The following SF1 variants were observed in gnomAD, a reference collection of about 807,000 sequenced individuals.
SF1 encodes the protein branch point-binding protein.
SF1 carries 7 observed loss-of-function variants against 62.5 expected under a neutral mutation model. The ratio of observed to expected loss-of-function variants is 0.11; its 90% CI spans 0.06 to 0.21. The LOEUF is 0.21. Ranked by LOEUF, SF1 falls within the 10% of genes least tolerant of loss-of-function variation. The pLI is 1.00. For missense variants in SF1, 578 were observed against 884.0 expected (o/e 0.65, Z 4.39); for synonymous variants, 394 against 323.6 (o/e 1.22, Z -2.33).
rs911824957 is a variant in SF1, at chr11:64,778,502, C to T, written c.-110G>A. 9 of 1,191,986 alleles carry T rather than the reference C, an allele frequency of 7.6e-6. No individual in the cohort carries two copies. The highest frequency in any genetic ancestry group is 3.5e-5 in the East Asian group (1 of 28,672). 73.8% of individuals were successfully genotyped at this position (1,191,986 alleles called of 1,614,324 possible). A position where few individuals can be genotyped will look rare whatever the true frequency, so the allele number is the denominator to read the frequency against. The stretch of plus-strand genomic sequence containing the variant: ...AATGCGCTGCCGGAGCGCGCGGAGC[C>T]CGTCCTCTCACGCGGCGGGCGGCGG... On this transcript the variant is annotated 5_prime_UTR_variant, in exon 1 of 13. Transcript: ENST00000377390.
Position 64,765,583 on chromosome 11 carries a change from C to G in SF1, c.*235G>C. ...GAGGAGAGAAAGAAGACAAAGAAGACACTCGATGCTACGGGGCGCCAGGAG... is the reference window on the plus strand; with the variant it reads ...GAGGAGAGAAAGAAGACAAAGAAGAGACTCGATGCTACGGGGCGCCAGGAG... On this transcript the variant is annotated 3_prime_UTR_variant, in exon 13 of 13. Coordinates refer to ENST00000377390, the MANE Select transcript of SF1 (RefSeq NM_004630.4). 1 of 1,542,434 alleles carries G rather than the reference C, an allele frequency of 6.5e-7. No homozygotes were observed. The highest frequency in any genetic ancestry group is 8.7e-7 in the Non-Finnish European group (1 of 1,149,668).
In SF1 at chr11:64,765,678, A is replaced by G. The variant is rs1300181526; in HGVS notation, c.*140T>C. The G allele has an allele frequency of 1.2e-5, 18 of 1,471,340 alleles. No homozygotes were observed. Among genetic ancestry groups the G allele is most frequent in the Non-Finnish European group, 1.5e-5 (17 of 1,115,560 alleles). 91.1% of individuals were successfully genotyped at this position (1,471,340 alleles called of 1,614,324 possible). ...AATCCTCAGTCGCTTGGCCCAGCCC[A>G]GTGCGTGCACACACACACATGCGTG... On this transcript the variant is annotated 3_prime_UTR_variant, in exon 13 of 13. Transcript: ENST00000377390.
intron 3 of SF1, chr11:64,771,817 A>G (rs1275001994): frequency 3.0e-6 from 3 of 985,268 alleles, no homozygotes; most frequent in Non-Finnish European, 3.6e-6. Context: ...ACACCTTTTT[A>G]AGAAATTATC....
chr11:64,769,735 C>T (rs1180226124), intron 5 of SF1, 126 bp from the exon 6 acceptor site: 4 of 887,834 alleles, frequency 4.5e-6, no homozygotes, highest in Non-Finnish European at 7.0e-6. Flanking sequence ...CCACCAAGAG[C>T]TCCATGAACT....
intron 3 of SF1, chr11:64,771,918 G>A (rs1938386176): frequency 5.1e-6 from 5 of 985,268 alleles, no homozygotes; most frequent in Non-Finnish European, 4.8e-6. Context: ...CTGAATAGAA[G>A]GGAGGAAAAA....
Position 64,765,306 on chromosome 11 carries a change from A to T in SF1, c.*512T>A, listed in dbSNP as rs1371169798. On this transcript the variant is annotated 3_prime_UTR_variant, in exon 13 of 13. Transcript: ENST00000377390. ...AGTCTGAAGAAAGGAAAAGATAAAG[A>T]AGTAACAAAGGAAAAAGAAAAAAAT... is the stretch of plus-strand genomic sequence containing the variant. The T allele has an allele frequency of 9.3e-6, 6 of 642,164 alleles. No homozygotes were observed. The highest frequency in any genetic ancestry group is 1.7e-5 in the Non-Finnish European group (6 of 354,616). The allele number at this position is 642,164 out of a possible 1,614,324, so 39.8% of individuals were successfully genotyped here.
chr11:64,772,582 A>G lies in SF1; in HGVS notation c.236+848T>C, dbSNP rs573182516. The G allele has an allele frequency of 6.1e-6, 6 of 985,274 alleles. No homozygotes were observed. In the Admixed American group the frequency reaches 3.7e-4, roughly 61 times the overall value. The allele number at this position is 985,274 out of a possible 1,614,324, so 61.0% of individuals were successfully genotyped here. A position where few individuals can be genotyped will look rare whatever the true frequency, so the allele number is the denominator to read the frequency against. On this transcript the variant is annotated intron_variant, in intron 3 of 12. Coordinates refer to ENST00000377390, the MANE Select transcript of SF1 (RefSeq NM_004630.4). ...CCAAAAACACTACTTTTTAAAGCAA[A>G]GTCTTTTCAACTATTCTGTATGTAC... is the stretch of plus-strand genomic sequence containing the variant.
At position 64,765,757 on chromosome 11, in the gene SF1, G is replaced by T; in HGVS notation, c.*61C>A. On this transcript the variant is annotated 3_prime_UTR_variant, in exon 13 of 13. Transcript: ENST00000377390. ...TGTCTGGCTCCATATGGTGAGGTTC[G>T]GCGTGTTTAAACGAGACCAATTCTC... 6.7e-7 allele frequency: 1 copy of T among 1,481,954 alleles called. No individual in the cohort carries two copies. The highest frequency in any genetic ancestry group is 1.4e-5 in the South Asian group (1 of 72,340). The allele number at this position is 1,481,954 out of a possible 1,614,324, so 91.8% of individuals were successfully genotyped here. A position where few individuals can be genotyped will look rare whatever the true frequency, so the allele number is the denominator to read the frequency against.
At chr11:64,773,088 G>C in intron 3 of SF1, 1 of 1,145,368 alleles carries the variant, frequency 8.7e-7, no homozygotes, top group South Asian at 2.0e-5. Context: ...CTATGCCCTG[G>C]GCTTTTGGCC....
rs1327445882 is a variant in SF1 at position 64,765,289 on chromosome 11, G to T, written c.*529C>A. ...AGCATCTCCTTGGACGGAGTCTGAAGAAAGGAAAAGATAAAGAAGTAACAA... is the reference window on the plus strand; with the variant it reads ...AGCATCTCCTTGGACGGAGTCTGAATAAAGGAAAAGATAAAGAAGTAACAA... On this transcript the variant is annotated 3_prime_UTR_variant, in exon 13 of 13. Coordinates refer to ENST00000377390, the MANE Select transcript of SF1 (RefSeq NM_004630.4). The T allele has an allele frequency of 6.5e-6, 4 of 613,260 alleles. No homozygotes were observed. The highest frequency in any genetic ancestry group is 3.0e-6 in the Non-Finnish European group (1 of 338,476). The allele number at this position is 613,260 out of a possible 1,614,324, so 38.0% of individuals were successfully genotyped here.
intron 2 of SF1, among the ~76,000 whole-genome samples, chr11:64,774,411 G>A (rs1938817780): frequency 6.6e-6 from 1 of 152,172 alleles, no homozygotes. Context: ...CAAGATAATG[G>A]GAACTGCAGA....
chr11:64,773,480 A>T lies in SF1; in HGVS notation c.186T>A (p.Thr62=). ...CCAGGTCTCCTGTGCGCAGTTTACG[A>T]GTCAGGTCTTCTATCTGCAGTTGCA... The part of the protein sequence containing the change: ...YIVQLQIEDL[T]RKLRTGDLGI... Residue 62 remains threonine (T), a synonymous_variant, in exon 3 of 13, where the codon ACT becomes ACA. Coordinates refer to ENST00000377390, the MANE Select transcript of SF1 (RefSeq NM_004630.4). 1 of 1,613,472 alleles carries T rather than the reference A, an allele frequency of 6.2e-7. No individual in the cohort carries two copies. Among genetic ancestry groups the T allele is most frequent in the African/African-American group, 1.3e-5 (1 of 74,974 alleles).
chr11:64,777,539 G>A (rs375515735), intron 1 of SF1: 30 of 985,452 alleles, frequency 3.0e-5, no homozygotes, highest in Middle Eastern at 5.2e-4. Flanking sequence ...AGAAGCAGAG[G>A]AGCTATCCTT....
At chr11:64,767,992 A>G in intron 9 of SF1, 114 bp downstream of exon 9, 4 of 1,446,726 alleles carry the variant, frequency 2.8e-6, no homozygotes, top group Non-Finnish European at 2.8e-6. Context: ...CCGGAAGAAC[A>G]ATGTTGCCAT....
chr11:64,769,394 T>C (rs484886), intron 6 of SF1, 32 bp downstream of exon 6: 1,605,933 of 1,613,658 alleles, frequency 1, 799,447 homozygotes, highest in Non-Finnish European at 1. Context: ...AGGTTTCTGC[T>C]AGGAGGCTTC....
chr11:64,766,466 A>C, intron 12 of SF1: 1 of 482,786 alleles, frequency 2.1e-6, no homozygotes, highest in Non-Finnish European at 3.7e-6. Context: ...CCACCACCGA[A>C]CGGCACATTC....
intron 2 of SF1, among the ~76,000 whole-genome samples, chr11:64,775,429 T>G (rs523964): frequency 6.6e-6 from 1 of 152,202 alleles, no homozygotes; most frequent in Non-Finnish European, 1.5e-5. Flanking sequence ...TGAGACACAA[T>G]GGAATGGGTG....
chr11:64,777,152 A>T (rs142189474), intron 1 of SF1, among the ~76,000 whole-genome samples: 1 of 152,238 alleles, frequency 6.6e-6, no homozygotes, highest in Non-Finnish European at 1.5e-5. Flanking sequence ...CTTTGTCTTC[A>T]TAAGTTTAGC....
Position 64,766,108 on chromosome 11 carries a change from A to G in SF1, c.1630T>C (p.Trp544Arg). The G allele has an allele frequency of 1.2e-6, 2 of 1,610,340 alleles. No homozygotes were observed. The highest frequency in any genetic ancestry group is 1.7e-6 in the Non-Finnish European group (2 of 1,179,726). ...TSAGTGSIPPWQQQQAAAAAS... is the reference protein window; with the variant it reads ...TSAGTGSIPPRQQQQAAAAAS... Reference sequence around the variant, plus strand: ...GCGGCAGCCGCCTGCTGCTGTTGCCATGGCGGGATGGACCCTGTGCCAGCG... The same window carrying G: ...GCGGCAGCCGCCTGCTGCTGTTGCCGTGGCGGGATGGACCCTGTGCCAGCG... The change falls in exon 13 of 13, where the codon TGG becomes CGG. Residue 544 changes from tryptophan (W) to arginine (R), a missense_variant. Trp to Arg is a moderately radical substitution (Grantham distance 101, BLOSUM62 -3). Transcript: ENST00000377390.
Sources: allele counts gnomAD v4.1 joint callset (sites outside exome capture counted in the v4.1 genomes callset), GRCh38; gene constraint gnomAD v4.1.1; transcripts MANE v1.5; gene names NCBI Gene and HGNC (gene_info 2026-07-23, HGNC 2026-07-21).